Variants in S100Z observed in about 807,000 individuals in gnomAD.
S100Z encodes protein S100-Z.
S100Z carries 11 observed loss-of-function variants against 8.5 expected under a neutral mutation model. The observed-to-expected ratio is 1.30, with a 90% CI of 0.82 to 2.15. The LOEUF is 2.15. Among genes scored for constraint, S100Z ranks in the 30% most tolerant of loss-of-function variants. The pLI is 0.00. For synonymous variants in S100Z, 34 were observed against 43.8 expected, an observed-to-expected ratio of 0.78 and a Z score of 0.89; for missense variants, 126 against 117.9, an observed-to-expected ratio of 1.07 and a Z score of -0.32.
the S100Z span, among the ~76,000 whole-genome samples, chr5:76,939,531 T>TTTC: frequency 2.0e-5 from 3 of 150,552 alleles, no homozygotes; most frequent in Admixed American, 6.6e-5. Flanking sequence ...TTTTTTTTTT[T>TTTC]AATGGAGTTT....
intron 4 of S100Z, among the ~76,000 whole-genome samples, chr5:76,895,729 G>T (rs12653498): frequency 0.015 from 2,168 of 141,188 alleles, 62 homozygotes; most frequent in East Asian, 0.12. Flanking sequence ...ATATAGAGGG[G>T]TTTTTTTGCT....
rs998473774 is a variant in S100Z at position 76,865,134 on chromosome 5, T to C, written c.-175-5032T>C. Among the ~76,000 whole-genome samples, 3 of 152,178 alleles carry C rather than the reference T, an allele frequency of 2.0e-5. No individual in the cohort carries two copies. The East Asian group carries it at 5.8e-4, about 29-fold the overall frequency. On this transcript the variant is annotated intron_variant, in intron 1 of 4. Coordinates refer to ENST00000317593, the MANE Select transcript of S100Z (RefSeq NM_130772.4). The stretch of plus-strand genomic sequence containing the variant: ...ACAGATGCCAGCTCCACAGGTGTTA[T>C]TGTCCCTGAGACCTTCCAGTGGGAT...
chr5:76,872,919 G>T (rs1743058477), intron 2 of S100Z, among the ~76,000 whole-genome samples: 1 of 152,222 alleles, frequency 6.6e-6, no homozygotes, highest in African/African-American at 2.4e-5. Context: ...GCTGCAGTGA[G>T]CTGTGATGGC....
intron 2 of S100Z, among the ~76,000 whole-genome samples, chr5:76,874,492 C>T (rs992984684): frequency 1.3e-5 from 2 of 152,134 alleles, no homozygotes; most frequent in African/African-American, 4.8e-5. Context: ...CAGCTCACAC[C>T]TGTTCATTTT....
chr5:76,875,449 C>G lies in S100Z; in HGVS notation c.90C>G (p.Ser30Arg). The G allele has an allele frequency of 6.2e-7, 1 of 1,612,740 alleles. No individual in the cohort carries two copies. The highest frequency in any genetic ancestry group is 8.5e-7 in the Non-Finnish European group (1 of 1,179,428). The change falls in exon 3 of 5, where the codon AGC (serine) becomes AGG (arginine). Residue 30 changes from serine (S) to arginine (R), a missense_variant. Coordinates refer to ENST00000317593, the MANE Select transcript of S100Z (RefSeq NM_130772.4). ...AGGAAAGGAAGAGATTCAAGCTCAG[C>G]AAGGGGGAACTGAAACTGCTCCTGC... ...SGKERKRFKL[S>R]KGELKLLLQR...
chr5:76,951,933 C>T, the S100Z span, among the ~76,000 whole-genome samples: 508 of 152,262 alleles, frequency 3.3e-3, 3 homozygotes, highest in African/African-American at 0.011. Context: ...TGTTTAATTT[C>T]GAGTATTTTA....
chr5:76,917,632 G>T (rs976774528), intron 4 of S100Z, among the ~76,000 whole-genome samples: 9 of 152,142 alleles, frequency 5.9e-5, no homozygotes, highest in African/African-American at 1.9e-4. Flanking sequence ...AGACCAGCCT[G>T]GCCAACATGG....
chr5:76,894,519 G>A (rs1475972819), intron 4 of S100Z, among the ~76,000 whole-genome samples: 4 of 151,866 alleles, frequency 2.6e-5, no homozygotes, highest in Admixed American at 6.6e-5. Context: ...ATATACGTAC[G>A]CATGGAAGAA....
At position 76,905,321 on chromosome 5, in the gene S100Z, C is replaced by T. The variant is rs183939864; in HGVS notation, c.*3-15396C>T. On this transcript the variant is annotated intron_variant, in intron 4 of 4. Coordinates refer to ENST00000317593, the MANE Select transcript of S100Z (RefSeq NM_130772.4). The stretch of plus-strand genomic sequence containing the variant: ...GAGTAGCTGAGACTACAGGCACATA[C>T]CACTGTGCCCGGCTTATTTCTTGAA... Among the ~76,000 whole-genome samples, 17 of 152,230 alleles carry T rather than the reference C, an allele frequency of 1.1e-4. No homozygotes were observed. In the East Asian group the frequency reaches 3.3e-3, roughly 29 times the overall value.
intron 4 of S100Z, among the ~76,000 whole-genome samples, chr5:76,904,609 T>A (rs547928445): frequency 2.0e-5 from 3 of 152,234 alleles, no homozygotes; most frequent in Non-Finnish European, 4.4e-5. Context: ...CATTTATGTT[T>A]GAAATGAAAT....
At chr5:76,897,801 A>G (rs1744092815) in intron 4 of S100Z, among the ~76,000 whole-genome samples, 1 of 152,226 alleles carries the variant, frequency 6.6e-6, no homozygotes, top group Non-Finnish European at 1.5e-5. Context: ...GTTGGCATAT[A>G]CAAATGCTAC....
At chr5:76,952,306 C>T in the S100Z span, among the ~76,000 whole-genome samples, 1 of 152,108 alleles carries the variant, frequency 6.6e-6, no homozygotes, top group Non-Finnish European at 1.5e-5. Flanking sequence ...CAGATGGATG[C>T]GAAGGTCATG....
At chr5:76,920,163 C>T (rs376282705) in intron 4 of S100Z, among the ~76,000 whole-genome samples, 1 of 152,286 alleles carries the variant, frequency 6.6e-6, no homozygotes, top group East Asian at 1.9e-4. Context: ...GCTCCCTTGG[C>T]CTCCCAAAAT....
At chr5:76,852,324 T>C (rs57566022) in intron 1 of S100Z, among the ~76,000 whole-genome samples, 1,928 of 152,320 alleles carry the variant, frequency 0.013, 24 homozygotes, top group African/African-American at 0.042. Flanking sequence ...CAATTTTGCC[T>C]GTTTACACTA....
intron 1 of S100Z, among the ~76,000 whole-genome samples, chr5:76,861,343 ATTT>A (rs10568349): frequency 2.1e-4 from 31 of 148,104 alleles, no homozygotes; most frequent in African/African-American, 6.9e-4. Context: ...AAAAGCCAGG[ATTT>A]TTTTTTTTTT....
intron 1 of S100Z, among the ~76,000 whole-genome samples, chr5:76,869,893 C>A (rs1158720505): frequency 6.6e-6 from 1 of 151,986 alleles, no homozygotes; most frequent in Non-Finnish European, 1.5e-5. Context: ...CGTGGCGGTG[C>A]CCACTTGTAA....
chr5:76,856,844 A>T (rs972542075), intron 1 of S100Z, among the ~76,000 whole-genome samples: 2 of 152,234 alleles, frequency 1.3e-5, no homozygotes, highest in African/African-American at 2.4e-5. Context: ...TTTAATTTAT[A>T]GGTAAAACCA....
the S100Z span, among the ~76,000 whole-genome samples, chr5:76,950,737 A>T: frequency 0.19 from 28,281 of 151,074 alleles, 2,805 homozygotes; most frequent in Middle Eastern, 0.25. Flanking sequence ...GAACATATTT[A>T]AAAAAAAAAT....
downstream of S100Z, among the ~76,000 whole-genome samples, chr5:76,924,706 T>C (rs978586190): frequency 6.6e-6 from 1 of 152,122 alleles, no homozygotes; most frequent in Non-Finnish European, 1.5e-5. Flanking sequence ...GCCCAGGAGT[T>C]TGAGACCAGC....
Sources: gnomAD v4.1 joint callset for allele counts (sites outside exome capture counted in the v4.1 genomes callset) on GRCh38, gnomAD v4.1.1 for gene constraint, MANE v1.5 for transcripts, NCBI Gene and HGNC (gene_info 2026-07-23, HGNC 2026-07-21) for gene names.